Variants in PIP4K2A observed in about 807,000 individuals in gnomAD.
The protein encoded by PIP4K2A is phosphatidylinositol-5-phosphate 4-kinase type 2 alpha.
Under a neutral mutation model 42.9 loss-of-function variants are expected in PIP4K2A, and 14 were observed. The observed-to-expected ratio is 0.33, with a 90% CI of 0.22 to 0.51. PIP4K2A has a LOEUF of 0.51. Ranked by LOEUF, PIP4K2A falls within the 20% of genes least tolerant of loss-of-function variation. PIP4K2A has a pLI of 0.97. For missense variants in PIP4K2A, 434 were observed against 519.8 expected (o/e 0.83, Z 1.61); for synonymous variants, 192 against 192.2 (o/e 1.00, Z 0.01).
intron 1 of PIP4K2A, among the ~76,000 whole-genome samples, chr10:22,692,633 T>C (rs748560980): frequency 1.3e-5 from 2 of 152,198 alleles, no homozygotes; most frequent in African/African-American, 4.8e-5. Flanking sequence ...AGCTTAGAAT[T>C]TGGGGCTTCA....
chr10:22,606,736 T>A (rs892576470), intron 3 of PIP4K2A, among the ~76,000 whole-genome samples: 2 of 152,206 alleles, frequency 1.3e-5, no homozygotes, highest in African/African-American at 4.8e-5. Flanking sequence ...ATATGTCACT[T>A]AATGCAGGAT....
At chr10:22,656,475 C>CA (rs1471614615) in intron 1 of PIP4K2A, among the ~76,000 whole-genome samples, 1 of 152,158 alleles carries the variant, frequency 6.6e-6, no homozygotes, top group African/African-American at 2.4e-5. Flanking sequence ...CAGTGGTGAA[C>CA]ACGGTAAGGC....
intron 3 of PIP4K2A, 72 bp from the exon 4 acceptor site, chr10:22,591,853 C>T (rs1837521056): frequency 1.5e-6 from 2 of 1,302,796 alleles, no homozygotes; most frequent in African/African-American, 1.5e-5. Flanking sequence ...TTTCCGATTC[C>T]CAGATAATTT....
chr10:22,596,244 G>A (rs1028691571), intron 3 of PIP4K2A, among the ~76,000 whole-genome samples: 2 of 140,584 alleles, frequency 1.4e-5, no homozygotes, highest in African/African-American at 2.7e-5. Context: ...TCGAAGACTC[G>A]ACTCGTTGCT....
intron 4 of PIP4K2A, among the ~76,000 whole-genome samples, chr10:22,576,091 A>G (rs1833924597): frequency 6.6e-6 from 1 of 152,232 alleles, no homozygotes; most frequent in African/African-American, 2.4e-5. Context: ...AAGTCATACC[A>G]AAGTTTATCT....
intron 1 of PIP4K2A, among the ~76,000 whole-genome samples, chr10:22,634,894 CA>C (rs1371993396): frequency 1.5e-4 from 23 of 152,134 alleles, no homozygotes; most frequent in Admixed American, 9.8e-4. Context: ...CTTGTGTCCC[CA>C]AAGAAAATTT....
intron 6 of PIP4K2A, among the ~76,000 whole-genome samples, chr10:22,563,679 C>G (rs927012062): frequency 6.6e-6 from 1 of 152,152 alleles, no homozygotes; most frequent in African/African-American, 2.4e-5. Context: ...TAGAAATGTG[C>G]GCTCTGGGGC....
intron 1 of PIP4K2A, among the ~76,000 whole-genome samples, chr10:22,685,818 C>T (rs549203389): frequency 3.3e-5 from 5 of 152,296 alleles, no homozygotes; most frequent in African/African-American, 4.8e-5. Context: ...GTGCCATGCC[C>T]CTCACAGCAA....
chr10:22,603,108 G>A (rs1221703962), intron 3 of PIP4K2A, among the ~76,000 whole-genome samples: 1 of 152,172 alleles, frequency 6.6e-6, no homozygotes, highest in Non-Finnish European at 1.5e-5. Flanking sequence ...AATATCAAAA[G>A]TTTAAAATGT....
intron 3 of PIP4K2A, among the ~76,000 whole-genome samples, chr10:22,594,897 T>C (rs1837598247): frequency 6.6e-6 from 1 of 152,210 alleles, no homozygotes; most frequent in South Asian, 2.1e-4. Context: ...AATTCGAATC[T>C]TGATTCTGTC....
In PIP4K2A at chr10:22,658,891, A is replaced by C. The variant is rs1839151754; in HGVS notation, c.145-49174T>G. The stretch of plus-strand genomic sequence containing the variant: ...AGGTCACAAGGTCATATTCAATCCC[A>C]TGACTATCAGATGACAAAGCCTGGA... On this transcript the variant is annotated intron_variant, in intron 1 of 9. Transcript: ENST00000376573. Among the ~76,000 whole-genome samples the C allele has an allele frequency of 3.3e-5, 5 of 152,258 alleles. No homozygotes were observed. The South Asian group carries it at 1.0e-3, about 31-fold the overall frequency.
intron 1 of PIP4K2A, among the ~76,000 whole-genome samples, chr10:22,620,054 A>G (rs1202019520): frequency 6.6e-6 from 1 of 152,214 alleles, no homozygotes; most frequent in African/African-American, 2.4e-5. Flanking sequence ...TGGCTACTTG[A>G]CTAAAATTAA....
At chr10:22,682,309 T>C (rs1252138902) in intron 1 of PIP4K2A, among the ~76,000 whole-genome samples, 2 of 152,218 alleles carry the variant, frequency 1.3e-5, no homozygotes, top group Non-Finnish European at 2.9e-5. Context: ...CTTTTTAACC[T>C]AGCAACTATC....
intron 1 of PIP4K2A, among the ~76,000 whole-genome samples, chr10:22,661,345 C>T (rs962562095): frequency 7.3e-5 from 10 of 136,522 alleles, no homozygotes; most frequent in African/African-American, 2.7e-4. Flanking sequence ...GAGGATGATG[C>T]TGCCTTTTTT....
chr10:22,692,776 A>T (rs930070329), intron 1 of PIP4K2A, among the ~76,000 whole-genome samples: 3 of 152,250 alleles, frequency 2.0e-5, no homozygotes, highest in Non-Finnish European at 4.4e-5. Flanking sequence ...CAAGGTCTTT[A>T]CTACCTACAT....
intron 1 of PIP4K2A, among the ~76,000 whole-genome samples, chr10:22,686,848 C>T (rs927072998): frequency 2.6e-5 from 4 of 152,090 alleles, no homozygotes; most frequent in East Asian, 1.9e-4. Context: ...AAATTTCTCA[C>T]GCTGACGCAG....
intron 9 of PIP4K2A, among the ~76,000 whole-genome samples, chr10:22,538,532 G>A (rs574029363): frequency 1.5e-4 from 23 of 152,300 alleles, no homozygotes; most frequent in Non-Finnish European, 2.5e-4. Context: ...AGCTCCAAAA[G>A]TGTCCCCTTG....
Position 22,637,962 on chromosome 10 carries a change from T to C in PIP4K2A, c.145-28245A>G, listed in dbSNP as rs143003084. On this transcript the variant is annotated intron_variant, in intron 1 of 9. Transcript: ENST00000376573. ...TATGAAGACAGTTCTGTAATGGATGTATAAGTGAATACTATCTCTGGAAAA... is the reference window on the plus strand; with the variant it reads ...TATGAAGACAGTTCTGTAATGGATGCATAAGTGAATACTATCTCTGGAAAA... Among the ~76,000 whole-genome samples the C allele has an allele frequency of 4.6e-3, 696 of 152,358 alleles. 10 individuals are homozygous for C. Among genetic ancestry groups the C allele is most frequent in the Non-Finnish European group, 5.5e-3 (377 of 68,032 alleles).
chr10:22,609,933 C>A (rs1348187269), intron 1 of PIP4K2A, among the ~76,000 whole-genome samples: 1 of 152,088 alleles, frequency 6.6e-6, no homozygotes, highest in African/African-American at 2.4e-5. Flanking sequence ...ATGGTGGCCA[C>A]CGGACGGCAG....
Sources: allele counts gnomAD v4.1 joint callset (sites outside exome capture counted in the v4.1 genomes callset), GRCh38; gene constraint gnomAD v4.1.1; transcripts MANE v1.5; gene names NCBI Gene and HGNC (gene_info 2026-07-23, HGNC 2026-07-21).